Variants in NAPA observed in about 807,000 individuals in gnomAD.
NAPA encodes the protein NSF attachment protein alpha.
Under a neutral mutation model 48.0 loss-of-function variants are expected in NAPA, and 18 were observed. The observed-to-expected ratio is 0.38, with a 90% confidence interval of 0.26 to 0.56. The LOEUF is 0.56. NAPA is among the 20% of genes least tolerant of loss of function. NAPA has a pLI of 0.77. For synonymous variants in NAPA, 152 were observed against 149.9 expected (o/e 1.01, Z -0.10); for missense variants, 315 against 385.0 (o/e 0.82, Z 1.52).
chr19:47,494,374 A>T (rs1202756868), intron 4 of NAPA, among the ~76,000 whole-genome samples: 1 of 152,188 alleles, frequency 6.6e-6, no homozygotes, highest in East Asian at 1.9e-4. Context: ...CACTGCCCTG[A>T]ACGCAAGGGG....
chr19:47,498,997 GT>G (rs1489500474), intron 3 of NAPA, among the ~76,000 whole-genome samples: 1 of 152,176 alleles, frequency 6.6e-6, no homozygotes, highest in African/African-American at 2.4e-5. Context: ...CCTCAGCTCT[GT>G]GCAAGTTGGC....
At chr19:47,509,334 TA>T (rs371349136) in intron 1 of NAPA, among the ~76,000 whole-genome samples, 116 of 80,204 alleles carry the variant, frequency 1.4e-3, no homozygotes, top group Middle Eastern at 0.01. Flanking sequence ...TAAAATAAAA[TA>T]AAATAAAATA....
chr19:47,507,866 C>T (rs1968723753), intron 1 of NAPA, among the ~76,000 whole-genome samples: 1 of 152,194 alleles, frequency 6.6e-6, no homozygotes, highest in African/African-American at 2.4e-5. Context: ...TCCAAGCTTA[C>T]CCTGCCAGGA....
In NAPA at chr19:47,494,610, C is replaced by T. The variant is rs184993940; in HGVS notation, c.342+940G>A. Among the ~76,000 whole-genome samples, 156 of 152,034 alleles carry T rather than the reference C, an allele frequency of 1.0e-3. 2 individuals carry two copies. Among genetic ancestry groups the T allele is most frequent in the African/African-American group, 3.4e-3 (143 of 41,472 alleles). The stretch of plus-strand genomic sequence containing the variant: ...AAAATTAGCCAGGCATGGTAGCACA[C>T]GCCTGTAATCCCAGCTACTCGAGAG... On this transcript the variant is annotated intron_variant, in intron 4 of 10. Transcript: ENST00000263354.
At chr19:47,496,855 G>A (rs1157470722) in intron 3 of NAPA, 4 of 456,056 alleles carry the variant, frequency 8.8e-6, no homozygotes, top group Non-Finnish European at 1.8e-5. Flanking sequence ...GCACTCCTCT[G>A]GGGAGTGGGG....
At chr19:47,512,033 T>A (rs1194186139) in intron 1 of NAPA, among the ~76,000 whole-genome samples, 1 of 152,176 alleles carries the variant, frequency 6.6e-6, no homozygotes, top group African/African-American at 2.4e-5. Flanking sequence ...ACCTGCCGCT[T>A]CCACCTTTAT....
At position 47,495,588 on chromosome 19, in the gene NAPA, T is replaced by C; in HGVS notation, c.304A>G (p.Asn102Asp). The change falls in exon 4 of 11, where the codon AAC becomes GAC. Residue 102 changes from asparagine (N) to aspartate (D), a missense_variant. By Grantham distance (23) the Asn-to-Asp change is conservative (BLOSUM62 1). Transcript: ENST00000263354. ...FKKADPQEAI[N>D]CLMRAIEIYT... ...ATCTCGATTGCTCGCATCAAACAGT[T>C]AATGGCCTCTGGAGAGAAAGGGAGG... is the stretch of plus-strand genomic sequence containing the variant. 1 of 1,473,414 alleles carries C rather than the reference T, an allele frequency of 6.8e-7. No homozygotes were observed. The highest frequency in any genetic ancestry group is 9.0e-7 in the Non-Finnish European group (1 of 1,112,766). The allele number at this position is 1,473,414 out of a possible 1,614,324, so 91.3% of individuals were successfully genotyped here.
chr19:47,497,034 C>T (rs1021815855), intron 3 of NAPA: 2 of 298,444 alleles, frequency 6.7e-6, no homozygotes, highest in Non-Finnish European at 1.4e-5. Flanking sequence ...GAGAACACAA[C>T]CTAAATCCGG....
intron 1 of NAPA, among the ~76,000 whole-genome samples, chr19:47,513,905 A>C (rs1968854863): frequency 1.1e-5 from 1 of 90,636 alleles, no homozygotes; most frequent in African/African-American, 3.8e-5. Context: ...GCTGTAGTGC[A>C]GTGGCTCGAT....
Position 47,500,706 on chromosome 19 carries a change from CTGCAGG to C in NAPA, c.216_221del (p.His72_Leu73del). 6.2e-7 allele frequency: 1 copy of C among 1,611,972 alleles called. No individual in the cohort carries two copies. Among genetic ancestry groups the C allele is most frequent in the Non-Finnish European group, 8.5e-7 (1 of 1,179,048 alleles). On this transcript the variant is annotated inframe_deletion, in exon 3 of 11. Coordinates refer to ENST00000263354, the MANE Select transcript of NAPA (RefSeq NM_003827.4). ...TGGCTGCGTCGTGCTTGCTCTGGAGCTGCAGGTGCAGCTGTGCAGCCTGGCAGAACG... is the reference window on the plus strand; with the variant it reads ...TGGCTGCGTCGTGCTTGCTCTGGAGCTGCAGCTGTGCAGCCTGGCAGAACG...
At chr19:47,508,442 C>T (rs1399378702) in intron 1 of NAPA, among the ~76,000 whole-genome samples, 1 of 152,234 alleles carries the variant, frequency 6.6e-6, no homozygotes, top group African/African-American at 2.4e-5. Context: ...CTGAGCCCAG[C>T]TCTGCTTTCC....
intron 7 of NAPA, 44 bp downstream of exon 7, chr19:47,492,917 T>C: frequency 1.3e-6 from 2 of 1,571,988 alleles, no homozygotes; most frequent in Non-Finnish European, 1.7e-6. Flanking sequence ...GCACAGGCCC[T>C]GAGAGGGGGC....
intron 1 of NAPA, among the ~76,000 whole-genome samples, chr19:47,504,387 G>C (rs1968649219): frequency 1.0e-5 from 1 of 99,470 alleles, no homozygotes; most frequent in African/African-American, 3.9e-5. Flanking sequence ...GACAGAGCCA[G>C]ACCTTGTCTC....
At chr19:47,500,941 C>T (rs972216230) in intron 2 of NAPA, among the ~76,000 whole-genome samples, 192 bp from the exon 3 acceptor site, 6 of 152,148 alleles carry the variant, frequency 3.9e-5, no homozygotes, top group Admixed American at 3.9e-4. Context: ...GCGCTCAGGT[C>T]TGCTGGCTCC....
chr19:47,499,662 C>G (rs182888773), intron 3 of NAPA, among the ~76,000 whole-genome samples: 4 of 152,234 alleles, frequency 2.6e-5, no homozygotes, highest in Non-Finnish European at 4.4e-5. Flanking sequence ...CAGAGAAGAG[C>G]TACTGGTCAA....
intron 3 of NAPA, among the ~76,000 whole-genome samples, chr19:47,497,749 C>T (rs1303683724): frequency 1.3e-5 from 2 of 152,242 alleles, no homozygotes; most frequent in Non-Finnish European, 2.9e-5. Flanking sequence ...TACACTTGGT[C>T]ATCTCCTCCT....
At chr19:47,498,078 G>A (rs576952675) in intron 3 of NAPA, among the ~76,000 whole-genome samples, 2 of 152,368 alleles carry the variant, frequency 1.3e-5, no homozygotes, top group African/African-American at 4.8e-5. Flanking sequence ...GCCACCCTCT[G>A]CGAGAGGGAG....
chr19:47,502,008 C>T (rs1294074368), intron 2 of NAPA, among the ~76,000 whole-genome samples: 3 of 151,742 alleles, frequency 2.0e-5, no homozygotes, highest in Admixed American at 6.6e-5. Context: ...TTTGGGAGGC[C>T]GAGGTGGGCG....
chr19:47,502,316 C>T (rs1968597215), intron 2 of NAPA, among the ~76,000 whole-genome samples: 1 of 142,158 alleles, frequency 7.0e-6, no homozygotes, highest in Non-Finnish European at 1.5e-5. Flanking sequence ...TAGGGCTTTT[C>T]TTTGAAGAGT....
Sources: gnomAD v4.1 joint callset for allele counts (sites outside exome capture counted in the v4.1 genomes callset) on GRCh38, gnomAD v4.1.1 for gene constraint, MANE v1.5 for transcripts, NCBI Gene and HGNC (gene_info 2026-07-23, HGNC 2026-07-21) for gene names.